BBS9: variants seen among roughly 807,000 people sequenced by gnomAD.
The protein encoded by BBS9 is Bardet-Biedl syndrome 9.
In BBS9, 89 loss-of-function variants were observed where a neutral mutation model predicts 117.7. The observed-to-expected ratio is 0.76, with a 90% confidence interval of 0.64 to 0.90. BBS9 has a LOEUF of 0.90. BBS9 is among the 40% of genes least tolerant of loss of function. BBS9 has a pLI of 0.00. For synonymous variants in BBS9, 379 were observed against 370.9 expected (o/e 1.02, Z -0.25); for missense variants, 982 against 1,042.2 (o/e 0.94, Z 0.80).
chr7:33,312,153 T>C (rs893131270), intron 9 of BBS9, among the ~76,000 whole-genome samples: 1 of 152,110 alleles, frequency 6.6e-6, no homozygotes, highest in Non-Finnish European at 1.5e-5. Context: ...TACATTCTAC[T>C]TGTTTTTCAA....
chr7:33,378,534 G>A (rs1294763819), intron 17 of BBS9, among the ~76,000 whole-genome samples: 1 of 152,092 alleles, frequency 6.6e-6, no homozygotes, highest in East Asian at 1.9e-4. Flanking sequence ...TGGGCCTTTC[G>A]GAGAGCTCAT....
chr7:33,558,329 T>C (rs1855592415), intron 21 of BBS9, among the ~76,000 whole-genome samples: 1 of 151,992 alleles, frequency 6.6e-6, no homozygotes, highest in Non-Finnish European at 1.5e-5. Flanking sequence ...AGAAGATACT[T>C]GAGGAAGCCT....
intron 21 of BBS9, among the ~76,000 whole-genome samples, chr7:33,542,899 G>A (rs1418182121): frequency 6.6e-6 from 1 of 151,514 alleles, no homozygotes; most frequent in Non-Finnish European, 1.5e-5. Context: ...TTTTGCAATT[G>A]TAAATTGTGC....
At chr7:33,525,518 CTT>C in intron 20 of BBS9, among the ~76,000 whole-genome samples, 1 of 109,124 alleles carries the variant, frequency 9.2e-6, no homozygotes, top group Non-Finnish European at 1.8e-5. Context: ...TTCTTTGTCT[CTT>C]TTGATCTTTG....
At chr7:33,583,501 T>C (rs114841275) in intron 21 of BBS9, among the ~76,000 whole-genome samples, 3,421 of 152,262 alleles carry the variant, frequency 0.022, 73 homozygotes, top group South Asian at 0.11. Context: ...TATTTATTTA[T>C]TGAAAGCCAT....
chr7:33,152,475 A>T (rs1305800459), intron 2 of BBS9, among the ~76,000 whole-genome samples: 1 of 152,224 alleles, frequency 6.6e-6, no homozygotes, highest in Non-Finnish European at 1.5e-5. Flanking sequence ...GCAATATGTT[A>T]GTACATTTGA....
chr7:33,595,214 G>A (rs1216246986), intron 21 of BBS9, among the ~76,000 whole-genome samples: 2 of 152,114 alleles, frequency 1.3e-5, no homozygotes, highest in Admixed American at 6.6e-5. Context: ...AAACTAAAGA[G>A]CTTCTGTGCA....
At chr7:33,236,435 G>T (rs1178867838) in intron 5 of BBS9, among the ~76,000 whole-genome samples, 1 of 151,180 alleles carries the variant, frequency 6.6e-6, no homozygotes, top group Non-Finnish European at 1.5e-5. Flanking sequence ...TGCTAATTCA[G>T]AATTTTATAT....
At chr7:33,142,897 A>G (rs1791722757) in intron 1 of BBS9, among the ~76,000 whole-genome samples, 1 of 152,082 alleles carries the variant, frequency 6.6e-6, no homozygotes, top group South Asian at 2.1e-4. Flanking sequence ...GTGTAAAAAT[A>G]TCTCTCTGAG....
intron 20 of BBS9, among the ~76,000 whole-genome samples, chr7:33,513,489 A>G (rs1448811822): frequency 6.6e-6 from 1 of 152,198 alleles, no homozygotes; most frequent in Non-Finnish European, 1.5e-5. Flanking sequence ...TACTCCATGT[A>G]TTTTCATAAT....
At chr7:33,450,840 A>G (rs1837697706) in intron 19 of BBS9, among the ~76,000 whole-genome samples, 1 of 149,860 alleles carries the variant, frequency 6.7e-6, no homozygotes, top group East Asian at 1.9e-4. Context: ...TCATTTTGTT[A>G]ATTGTTTCCT....
intron 5 of BBS9, among the ~76,000 whole-genome samples, 187 bp from the exon 6 acceptor site, chr7:33,257,049 G>C (rs1298145317): frequency 2.0e-5 from 3 of 152,084 alleles, no homozygotes; most frequent in African/African-American, 7.2e-5. Flanking sequence ...CTCAGAATTA[G>C]TTTATAGTTG....
chr7:33,594,237 T>A (rs1862372855), intron 21 of BBS9, among the ~76,000 whole-genome samples: 1 of 152,114 alleles, frequency 6.6e-6, no homozygotes, highest in Non-Finnish European at 1.5e-5. Flanking sequence ...ATGGAAATAT[T>A]TTCATACATG....
rs574335426 is a variant in BBS9 at position 33,149,517 on chromosome 7, A to C, written c.112+3153A>C. 1.5e-3 allele frequency among the ~76,000 whole-genome samples: 221 copies of C among 152,334 alleles called. 2 individuals carry two copies. Among genetic ancestry groups the C allele is most frequent in the Non-Finnish European group, 3.0e-3 (203 of 68,020 alleles). ...GCATTTAAATGGCACTTACTTTCCTAATTCTCTCAACTCAAGATTCAGACT... is the reference window on the plus strand; with the variant it reads ...GCATTTAAATGGCACTTACTTTCCTCATTCTCTCAACTCAAGATTCAGACT... On this transcript the variant is annotated intron_variant, in intron 2 of 22. Coordinates refer to ENST00000242067, the MANE Select transcript of BBS9 (RefSeq NM_198428.3).
chr7:33,293,005 CA>C lies in BBS9; in HGVS notation c.1016+19065del, dbSNP rs113240543. Among the ~76,000 whole-genome samples the C allele has an allele frequency of 5.5e-3, 599 of 109,792 alleles. 3 individuals are homozygous for C. The highest frequency in any genetic ancestry group is 0.015 in the African/African-American group (428 of 28,376). 72.0% of individuals were successfully genotyped at this position (109,792 alleles called of 152,430 possible). On this transcript the variant is annotated intron_variant, in intron 9 of 22. Coordinates refer to ENST00000242067, the MANE Select transcript of BBS9 (RefSeq NM_198428.3). ...TGGGCAACAGAGTGAGACTCCGTCT[CA>C]AAAAAAAAAAAAAAATTGTAGAAAA...
chr7:33,264,149 A>G (rs1798408271), intron 6 of BBS9, 141 bp from the exon 7 acceptor site: 3 of 381,678 alleles, frequency 7.9e-6, no homozygotes, highest in African/African-American at 4.2e-5. Context: ...TAAGAATTCA[A>G]TCTTAAATTT....
intron 9 of BBS9, among the ~76,000 whole-genome samples, chr7:33,328,859 T>C (rs1813372285): frequency 6.6e-6 from 1 of 152,090 alleles, no homozygotes; most frequent in Non-Finnish European, 1.5e-5. Context: ...AGATTGGCTT[T>C]GTTGGAAAAA....
At chr7:33,601,344 T>C (rs924354324) in intron 21 of BBS9, among the ~76,000 whole-genome samples, 1 of 152,040 alleles carries the variant, frequency 6.6e-6, no homozygotes. Context: ...GCTGCAGCTT[T>C]TCTTCCCCTT....
At chr7:33,302,489 G>C (rs1038454111) in intron 9 of BBS9, among the ~76,000 whole-genome samples, 1 of 151,896 alleles carries the variant, frequency 6.6e-6, no homozygotes, top group South Asian at 2.1e-4. Context: ...TTCATTTTTT[G>C]CATACGGATA....
Sources: gnomAD v4.1 joint callset for allele counts (sites outside exome capture counted in the v4.1 genomes callset) on GRCh38, gnomAD v4.1.1 for gene constraint, MANE v1.5 for transcripts, NCBI Gene and HGNC (gene_info 2026-07-23, HGNC 2026-07-21) for gene names.